FOXP2: variants seen among roughly 807,000 people sequenced by gnomAD.
FOXP2 encodes the protein forkhead box P2, also known as forkhead box protein P2.
Under a neutral mutation model 115.8 loss-of-function variants are expected in FOXP2, and 12 were observed. The ratio of observed to expected loss-of-function variants is 0.10; its 90% CI spans 0.07 to 0.17. The LOEUF (loss-of-function observed/expected upper bound fraction) is 0.17, where lower values mean the gene tolerates loss of function less well. Ranked by LOEUF, FOXP2 falls within the 10% of genes least tolerant of loss-of-function variation. The pLI is 1.00. For synonymous variants in FOXP2, 328 were observed against 297.7 expected, an observed-to-expected ratio of 1.10 and a Z score of -1.05; for missense variants, 629 against 843.5, an observed-to-expected ratio of 0.75 and a Z score of 3.15.
chr7:114,478,614 G>T (rs1796390331), intron 2 of FOXP2, among the ~76,000 whole-genome samples: 1 of 151,794 alleles, frequency 6.6e-6, no homozygotes, highest in Non-Finnish European at 1.5e-5. Flanking sequence ...TATGCTGCTA[G>T]TTATTTCTAG....
chr7:114,641,726 T>C (rs994318097), intron 6 of FOXP2, among the ~76,000 whole-genome samples: 1 of 152,020 alleles, frequency 6.6e-6, no homozygotes, highest in Non-Finnish European at 1.5e-5. Context: ...ACCTTAATAC[T>C]AGCAATAGGT....
At chr7:114,211,024 CAGA>C (rs1239517128) in intron 1 of FOXP2, among the ~76,000 whole-genome samples, 3 of 152,152 alleles carry the variant, frequency 2.0e-5, no homozygotes, top group African/African-American at 4.8e-5. Flanking sequence ...TACCTAAACG[CAGA>C]GATGATGGCC....
intron 1 of FOXP2, among the ~76,000 whole-genome samples, chr7:114,093,722 A>G (rs1799587769): frequency 6.6e-6 from 1 of 151,974 alleles, no homozygotes; most frequent in Non-Finnish European, 1.5e-5. Flanking sequence ...GTCTCAGGTG[A>G]GTATACTTCA....
At chr7:114,103,406 T>C (rs1417657911) in intron 1 of FOXP2, among the ~76,000 whole-genome samples, 2 of 152,084 alleles carry the variant, frequency 1.3e-5, no homozygotes, top group African/African-American at 2.4e-5. Flanking sequence ...CTCTTTAGGT[T>C]TTAAAAAATG....
intron 2 of FOXP2, among the ~76,000 whole-genome samples, chr7:114,525,684 C>T (rs1798821466): frequency 6.6e-6 from 1 of 152,178 alleles, no homozygotes; most frequent in South Asian, 2.1e-4. Flanking sequence ...TTTCCTACCT[C>T]TGCATGTCAA....
At chr7:114,205,820 A>G (rs1233925284) in intron 1 of FOXP2, among the ~76,000 whole-genome samples, 1 of 152,178 alleles carries the variant, frequency 6.6e-6, no homozygotes, top group African/African-American at 2.4e-5. Context: ...TGCATTGATC[A>G]TTGGATGAAG....
chr7:114,457,203 T>C (rs559988707), intron 2 of FOXP2, among the ~76,000 whole-genome samples: 1 of 152,314 alleles, frequency 6.6e-6, no homozygotes, highest in Non-Finnish European at 1.5e-5. Context: ...AGAGAATGGA[T>C]ATGTTTATTT....
intron 10 of FOXP2, chr7:114,656,419 G>T (rs1237320352): frequency 4.9e-6 from 2 of 411,558 alleles, no homozygotes; most frequent in African/African-American, 4.1e-5. Context: ...TTATGTATAT[G>T]TTCTGATGTT....
At chr7:114,382,017 T>C (rs866298094) in intron 2 of FOXP2, among the ~76,000 whole-genome samples, 4 of 152,150 alleles carry the variant, frequency 2.6e-5, no homozygotes, top group African/African-American at 4.8e-5. Flanking sequence ...TTCACATGTA[T>C]AATGGCCCCT....
intron 1 of FOXP2, among the ~76,000 whole-genome samples, chr7:114,167,294 A>T (rs1304483895): frequency 1.3e-5 from 2 of 152,148 alleles, no homozygotes; most frequent in Non-Finnish European, 2.9e-5. Context: ...ACATGGAAAA[A>T]CCTTAAATAT....
At chr7:114,230,670 A>G (rs1080433) in intron 1 of FOXP2, among the ~76,000 whole-genome samples, 23 of 151,886 alleles carry the variant, frequency 1.5e-4, no homozygotes, top group African/African-American at 5.6e-4. Context: ...AAAATTTAAC[A>G]CCCTTTTACA....
At chr7:114,287,998 A>G (rs777020570) in intron 1 of FOXP2, 20 of 429,334 alleles carry the variant, frequency 4.7e-5, no homozygotes, top group Non-Finnish European at 8.9e-5. Context: ...AGCAGTGACA[A>G]TTATTTGTCT....
chr7:114,583,088 T>A lies in FOXP2; in HGVS notation c.259-45452T>A, dbSNP rs574990969. ...CTCTTAGAGTCCACAGTTGAAAAAC[T>A]TTGCTTTGCCCAGGCGTGGTGGCTC... On this transcript the variant is annotated intron_variant, in intron 3 of 16. Coordinates refer to ENST00000350908, the MANE Select transcript of FOXP2 (RefSeq NM_014491.4). Among the ~76,000 whole-genome samples the A allele has an allele frequency of 2.6e-5, 4 of 152,236 alleles. No homozygotes were observed. In the South Asian group the frequency reaches 8.3e-4, roughly 32 times the overall value.
At chr7:114,346,999 G>A (rs747261028) in intron 2 of FOXP2, among the ~76,000 whole-genome samples, 3 of 151,632 alleles carry the variant, frequency 2.0e-5, no homozygotes, top group South Asian at 2.1e-4. Flanking sequence ...GCCCATAAAC[G>A]TAGAATTACA....
In FOXP2 at chr7:114,628,056, A is replaced by G. The variant is rs537304949; in HGVS notation, c.259-484A>G. 1.5e-3 allele frequency among the ~76,000 whole-genome samples: 226 copies of G among 152,224 alleles called. 2 individuals carry two copies. In the South Asian group the frequency reaches 0.024, roughly 16 times the overall value. Reference sequence around the variant, plus strand: ...ATATAAAATTTTGAAGATGATGATTATATTTTTAAGTAAGTATACTGTATA... The same window carrying G: ...ATATAAAATTTTGAAGATGATGATTGTATTTTTAAGTAAGTATACTGTATA... On this transcript the variant is annotated intron_variant, in intron 3 of 16. Transcript: ENST00000350908.
chr7:114,218,348 T>A (rs1563009921), intron 1 of FOXP2, among the ~76,000 whole-genome samples: 1 of 152,066 alleles, frequency 6.6e-6, no homozygotes, highest in Non-Finnish European at 1.5e-5. Flanking sequence ...ATTGTTAGAG[T>A]AGTAGATGTG....
At chr7:114,655,164 T>C (rs1470508110) in intron 10 of FOXP2, among the ~76,000 whole-genome samples, 2 of 152,202 alleles carry the variant, frequency 1.3e-5, no homozygotes, top group East Asian at 3.8e-4. Flanking sequence ...CATGTATTTA[T>C]GACTATCTTT....
intron 16 of FOXP2, 27 bp from the exon 17 acceptor site, chr7:114,689,755 A>C (rs1808558772): frequency 6.2e-7 from 1 of 1,612,452 alleles, no homozygotes; most frequent in Non-Finnish European, 8.5e-7. Context: ...ACTTAGTAAA[A>C]TTTTGGTGTA....
intron 2 of FOXP2, among the ~76,000 whole-genome samples, chr7:114,408,937 C>T (rs1189842216): frequency 6.6e-6 from 1 of 151,962 alleles, no homozygotes; most frequent in Non-Finnish European, 1.5e-5. Flanking sequence ...ATCAGTAACC[C>T]TTCCTATCTC....
Sources: gnomAD v4.1 joint callset for allele counts (sites outside exome capture counted in the v4.1 genomes callset) on GRCh38, gnomAD v4.1.1 for gene constraint, MANE v1.5 for transcripts, NCBI Gene and HGNC (gene_info 2026-07-23, HGNC 2026-07-21) for gene names.